KIAA1217: variants seen among roughly 807,000 people sequenced by gnomAD.
KIAA1217 encodes KIAA1217.
A neutral mutation model predicts 163.9 loss-of-function variants in KIAA1217; 88 were observed. The observed-to-expected ratio is 0.54, with a 90% CI of 0.45 to 0.64. KIAA1217 has a LOEUF of 0.64. Ranked by LOEUF, KIAA1217 falls within the 30% of genes least tolerant of loss-of-function variation. KIAA1217 has a pLI of 0.00. For missense variants in KIAA1217, 2,372 were observed against 2,475.0 expected (o/e 0.96, Z 0.88); for synonymous variants, 903 against 923.1 (o/e 0.98, Z 0.39).
At chr10:23,790,593 ATACATG>A (rs1363825501) in intron 1 of KIAA1217, among the ~76,000 whole-genome samples, 26 of 116,496 alleles carry the variant, frequency 2.2e-4, no homozygotes, top group African/African-American at 9.7e-4. Flanking sequence ...ATGTACATAT[ATACATG>A]TACATATATA....
intron 1 of KIAA1217, among the ~76,000 whole-genome samples, chr10:23,939,592 T>G (rs1250548757): frequency 6.6e-6 from 1 of 151,980 alleles, no homozygotes; most frequent in East Asian, 1.9e-4. Flanking sequence ...CAGGAGGACA[T>G]CACAATCCTA....
chr10:24,128,709 A>T (rs761791639), intron 2 of KIAA1217, among the ~76,000 whole-genome samples: 5 of 152,228 alleles, frequency 3.3e-5, no homozygotes, highest in African/African-American at 4.8e-5. Flanking sequence ...GGAGAAATGG[A>T]GCACAGTCTT....
chr10:24,370,357 A>G (rs2051454639), intron 2 of KIAA1217, among the ~76,000 whole-genome samples: 1 of 152,204 alleles, frequency 6.6e-6, no homozygotes, highest in South Asian at 2.1e-4. Context: ...GCAAATTTTA[A>G]AATATAGGTA....
At chr10:24,532,443 T>C (rs986635703) in intron 15 of KIAA1217, among the ~76,000 whole-genome samples, 3 of 152,162 alleles carry the variant, frequency 2.0e-5, no homozygotes, top group African/African-American at 7.2e-5. Context: ...AGATGCAGTA[T>C]GGGAGGGCCT....
intron 1 of KIAA1217, among the ~76,000 whole-genome samples, chr10:23,761,201 G>T (rs1274506165): frequency 2.6e-5 from 4 of 152,182 alleles, no homozygotes; most frequent in Non-Finnish European, 2.9e-5. Flanking sequence ...AGGAGTTCAA[G>T]TCCAACCTAG....
chr10:24,200,368 G>A (rs2067198612), intron 2 of KIAA1217, among the ~76,000 whole-genome samples: 1 of 151,940 alleles, frequency 6.6e-6, no homozygotes. Context: ...GCCTGGGCTG[G>A]CCTCAAACTT....
chr10:24,416,989 G>A (rs1050171401), intron 3 of KIAA1217, among the ~76,000 whole-genome samples: 2 of 152,060 alleles, frequency 1.3e-5, no homozygotes, highest in African/African-American at 4.8e-5. Context: ...CCTAATCCCT[G>A]TACTTCCATC....
intron 12 of KIAA1217, among the ~76,000 whole-genome samples, chr10:24,522,228 G>A (rs946847758): frequency 1.3e-5 from 2 of 152,212 alleles, no homozygotes; most frequent in Admixed American, 6.5e-5. Flanking sequence ...GGAGGTACAG[G>A]CAGAAGGATC....
chr10:24,151,487 G>A (rs1342468691), intron 2 of KIAA1217, among the ~76,000 whole-genome samples: 4 of 147,174 alleles, frequency 2.7e-5, no homozygotes, highest in African/African-American at 1.0e-4. Flanking sequence ...AAGGTTCTAT[G>A]ACAGGCGCTG....
At chr10:24,129,853 T>G (rs1283331517) in intron 2 of KIAA1217, among the ~76,000 whole-genome samples, 1 of 152,128 alleles carries the variant, frequency 6.6e-6, no homozygotes, top group East Asian at 1.9e-4. Context: ...GACTTATTAT[T>G]ATTTTGATTA....
intron 2 of KIAA1217, among the ~76,000 whole-genome samples, chr10:24,084,977 C>G (rs925174066): frequency 6.7e-6 from 1 of 148,566 alleles, no homozygotes; most frequent in African/African-American, 2.5e-5. Context: ...GCAGTGGTGC[C>G]ATCTCGGCTC....
chr10:23,702,811 A>C (rs554533800), intron 1 of KIAA1217, among the ~76,000 whole-genome samples: 1 of 152,254 alleles, frequency 6.6e-6, no homozygotes, highest in African/African-American at 2.4e-5. Flanking sequence ...GCTACTTAAA[A>C]ATTAACATAA....
At chr10:23,817,962 CATATATATAT>C (rs71397918) in intron 1 of KIAA1217, among the ~76,000 whole-genome samples, 3,546 of 54,210 alleles carry the variant, frequency 0.065, 143 homozygotes, top group East Asian at 0.11. Context: ...TGTGGTGGCA[CATATATATAT>C]ATATATATAT....
At chr10:23,893,951 A>G (rs36189806) in intron 1 of KIAA1217, among the ~76,000 whole-genome samples, 2,964 of 152,150 alleles carry the variant, frequency 0.019, 98 homozygotes, top group African/African-American at 0.065. Context: ...CCTTCATGCT[A>G]AAAACTCTCA....
chr10:24,201,938 T>C (rs878950505), intron 2 of KIAA1217, among the ~76,000 whole-genome samples: 2 of 151,918 alleles, frequency 1.3e-5, no homozygotes, highest in Admixed American at 1.3e-4. Flanking sequence ...CTGATCCTCC[T>C]ATCCAGCACC....
chr10:24,529,031 A>G (rs2072686959), intron 14 of KIAA1217, among the ~76,000 whole-genome samples: 1 of 152,144 alleles, frequency 6.6e-6, no homozygotes, highest in African/African-American at 2.4e-5. Flanking sequence ...ATGGACCCGG[A>G]TGTTATTTTA....
At chr10:24,390,490 A>AAGGCAGGC (rs1377405495) in intron 3 of KIAA1217, among the ~76,000 whole-genome samples, 1 of 141,882 alleles carries the variant, frequency 7.0e-6, no homozygotes, top group African/African-American at 2.7e-5. Context: ...GGAAGGAAGG[A>AAGGCAGGC]AGGAAGGAAG....
rs551304433 is a variant in KIAA1217 at position 24,180,015 on chromosome 10, G to A, written c.-170-39611G>A. ...ATTATTTAATCAGTTTTATTATGCA[G>A]ACTCAAGTTATTACAATCTTCAGTG... On this transcript the variant is annotated intron_variant, in intron 2 of 18. Transcript: ENST00000376462. 2.6e-5 allele frequency among the ~76,000 whole-genome samples: 4 copies of A among 152,262 alleles called. 1 individual carries two copies. The highest frequency in any genetic ancestry group is 9.6e-5 in the African/African-American group (4 of 41,552).
At chr10:24,080,467 C>A (rs758667766) in intron 2 of KIAA1217, among the ~76,000 whole-genome samples, 1 of 152,212 alleles carries the variant, frequency 6.6e-6, no homozygotes, top group Non-Finnish European at 1.5e-5. Context: ...AATCTTTCCT[C>A]AAGCATTAGG....
Sources: gnomAD v4.1 joint callset for allele counts (sites outside exome capture counted in the v4.1 genomes callset) on GRCh38, gnomAD v4.1.1 for gene constraint, MANE v1.5 for transcripts, NCBI Gene and HGNC (gene_info 2026-07-23, HGNC 2026-07-21) for gene names.